Variants in LARGE1 observed in about 807,000 individuals in gnomAD.
LARGE1 encodes the protein xylosyl- and glucuronyltransferase LARGE1.
LARGE1 carries 43 observed loss-of-function variants against 87.6 expected under a neutral mutation model. The ratio of observed to expected loss-of-function variants is 0.49; its 90% CI spans 0.38 to 0.63. LARGE1 has a LOEUF of 0.63. LARGE1 is among the 30% of genes least tolerant of loss of function. The pLI is 0.00. For missense variants in LARGE1, 802 were observed against 1,000.2 expected (o/e 0.80, Z 2.67); for synonymous variants, 434 against 394.6 (o/e 1.10, Z -1.18).
At chr22:33,907,918 C>T (rs78337559) in intron 1 of LARGE1, among the ~76,000 whole-genome samples, 4,049 of 152,248 alleles carry the variant, frequency 0.027, 148 homozygotes, top group Admixed American at 0.073. Flanking sequence ...ATTTCTAGGT[C>T]TGCAGTGATG....
chr22:33,156,476 C>T, the LARGE1 span, among the ~76,000 whole-genome samples: 1 of 152,276 alleles, frequency 6.6e-6, no homozygotes, highest in East Asian at 1.9e-4. Context: ...GACTGCTCCA[C>T]TGGATTTCTG....
At position 33,283,267 on chromosome 22, in the gene LARGE1, C is replaced by T. The variant is rs1930818611; in HGVS notation, c.1812G>A (p.Leu604=). The T allele has an allele frequency of 2.5e-6, 4 of 1,614,052 alleles. No homozygotes were observed. Among genetic ancestry groups the T allele is most frequent in the East Asian group, 4.5e-5 (2 of 44,886 alleles). Reference sequence around the variant, plus strand: ...ACTCCGCTTTTGACTTGGGGAAGGACAGCCGGTAGCGCAGTGTCTCGAACG... The same window carrying T: ...ACTCCGCTTTTGACTTGGGGAAGGATAGCCGGTAGCGCAGTGTCTCGAACG... The part of the protein sequence containing the change: ...VPAFETLRYR[L]SFPKSKAELL... The change falls in exon 13 of 15, where the codon CTG becomes CTA. Residue 604 remains leucine (L), a synonymous_variant. Coordinates refer to ENST00000397394, the MANE Select transcript of LARGE1 (RefSeq NM_133642.5).
chr22:33,720,247 C>T (rs538960960), intron 2 of LARGE1, among the ~76,000 whole-genome samples: 1 of 152,152 alleles, frequency 6.6e-6, no homozygotes, highest in African/African-American at 2.4e-5. Flanking sequence ...CATAAGGAGC[C>T]CTCTTGTGCT....
At chr22:33,478,236 A>C (rs2069161855) in intron 6 of LARGE1, among the ~76,000 whole-genome samples, 1 of 152,188 alleles carries the variant, frequency 6.6e-6, no homozygotes, top group Non-Finnish European at 1.5e-5. Context: ...ACGGGCTTCC[A>C]CTGGACACCA....
At chr22:33,816,276 A>G (rs1210542890) in intron 1 of LARGE1, among the ~76,000 whole-genome samples, 1 of 152,172 alleles carries the variant, frequency 6.6e-6, no homozygotes, top group Non-Finnish European at 1.5e-5. Flanking sequence ...CAGACTCTTA[A>G]TTTGTTCAAG....
intron 6 of LARGE1, among the ~76,000 whole-genome samples, chr22:33,478,553 G>A (rs141024084): frequency 2.0e-5 from 3 of 152,206 alleles, no homozygotes; most frequent in African/African-American, 4.8e-5. Flanking sequence ...AGATGAAGAG[G>A]TCAAACAGAT....
At chr22:33,595,782 G>A (rs975876102) in intron 5 of LARGE1, among the ~76,000 whole-genome samples, 27 of 152,250 alleles carry the variant, frequency 1.8e-4, no homozygotes, top group Non-Finnish European at 1.3e-4. Flanking sequence ...CCAAAGGCTG[G>A]GCATGAACAT....
chr22:33,160,190 G>C (rs1479896400), downstream of LARGE1, among the ~76,000 whole-genome samples: 1 of 152,152 alleles, frequency 6.6e-6, no homozygotes, highest in African/African-American at 2.4e-5. Context: ...TGTTCTAAAT[G>C]CTGAGCAAAT....
At chr22:33,488,055 T>C (rs939460718) in intron 6 of LARGE1, among the ~76,000 whole-genome samples, 4 of 152,206 alleles carry the variant, frequency 2.6e-5, no homozygotes, top group African/African-American at 9.7e-5. Flanking sequence ...AAAGAGGTTT[T>C]CTATAGTTCT....
At chr22:33,553,474 C>T (rs111266667) in intron 6 of LARGE1, among the ~76,000 whole-genome samples, 8 of 45,914 alleles carry the variant, frequency 1.7e-4, no homozygotes, top group African/African-American at 3.1e-4. Flanking sequence ...TATGATCCCA[C>T]GACTGCACTC....
intron 6 of LARGE1, among the ~76,000 whole-genome samples, chr22:33,503,926 T>C (rs1203514131): frequency 1.3e-5 from 2 of 152,220 alleles, no homozygotes; most frequent in African/African-American, 4.8e-5. Flanking sequence ...AGCCATACCA[T>C]GGAATATTAT....
At chr22:33,259,509 T>C (rs1212626367) in intron 11 of LARGE1, among the ~76,000 whole-genome samples, 1 of 151,980 alleles carries the variant, frequency 6.6e-6, no homozygotes, top group Non-Finnish European at 1.5e-5. Context: ...TACGCGTGTG[T>C]GCATGGACAC....
At chr22:33,745,697 T>G (rs1401617397) in intron 2 of LARGE1, among the ~76,000 whole-genome samples, 1 of 152,046 alleles carries the variant, frequency 6.6e-6, no homozygotes, top group East Asian at 1.9e-4. Context: ...AAAGGCTGGA[T>G]CCAATCATCC....
chr22:33,819,951 G>T (rs528885954), intron 1 of LARGE1, among the ~76,000 whole-genome samples: 37 of 152,206 alleles, frequency 2.4e-4, no homozygotes, highest in Non-Finnish European at 5.0e-4. Flanking sequence ...CCTACCCGCA[G>T]GTAATGCCCT....
chr22:33,136,797 C>T, the LARGE1 span, among the ~76,000 whole-genome samples: 6 of 152,112 alleles, frequency 3.9e-5, no homozygotes, highest in East Asian at 1.2e-3. Flanking sequence ...ACATGTGATC[C>T]AGGGAAAGCT....
intron 11 of LARGE1, among the ~76,000 whole-genome samples, chr22:33,233,241 T>C (rs1926096305): frequency 6.6e-6 from 1 of 152,056 alleles, no homozygotes; most frequent in Non-Finnish European, 1.5e-5. Flanking sequence ...GGAAGTTGTC[T>C]AAGTCAGGTT....
At chr22:33,570,926 A>G (rs1402504111) in intron 5 of LARGE1, among the ~76,000 whole-genome samples, 1 of 152,156 alleles carries the variant, frequency 6.6e-6, no homozygotes, top group African/African-American at 2.4e-5. Flanking sequence ...CAGGCTGAGG[A>G]AACCTGGAGG....
intron 2 of LARGE1, among the ~76,000 whole-genome samples, chr22:33,671,084 G>A (rs1441247091): frequency 6.6e-6 from 1 of 152,166 alleles, no homozygotes; most frequent in Non-Finnish European, 1.5e-5. Context: ...GGGGACCAGT[G>A]AAAGAAAATG....
intron 2 of LARGE1, among the ~76,000 whole-genome samples, chr22:33,696,717 T>C (rs954082811): frequency 2.0e-5 from 3 of 151,824 alleles, no homozygotes; most frequent in East Asian, 3.8e-4. Flanking sequence ...TGAAATGGCA[T>C]CTCATTGTGG....
Sources: allele counts gnomAD v4.1 joint callset (sites outside exome capture counted in the v4.1 genomes callset), GRCh38; gene constraint gnomAD v4.1.1; transcripts MANE v1.5; gene names NCBI Gene and HGNC (gene_info 2026-07-23, HGNC 2026-07-21).